The following FGF14 variants were observed in gnomAD, a reference collection of about 807,000 sequenced individuals.
The protein encoded by FGF14 is fibroblast growth factor homologous factor 4.
Under a neutral mutation model 25.5 loss-of-function variants are expected in FGF14, and 5 were observed. That is an observed-to-expected ratio of 0.20 (90% confidence interval 0.10 to 0.41). FGF14 has a LOEUF of 0.41. Ranked by LOEUF, FGF14 falls within the 10% of genes least tolerant of loss-of-function variation. The pLI, the probability that FGF14 is intolerant of heterozygous loss-of-function variation, is 1.00. For missense variants in FGF14, 222 were observed against 320.1 expected, an observed-to-expected ratio of 0.69 and a Z score of 2.34; for synonymous variants, 138 against 118.3, an observed-to-expected ratio of 1.17 and a Z score of -1.08.
At chr13:102,112,314 G>A (rs1403757069) in intron 1 of FGF14, among the ~76,000 whole-genome samples, 6 of 152,142 alleles carry the variant, frequency 3.9e-5, no homozygotes, top group African/African-American at 1.2e-4. Context: ...AATCTACGCA[G>A]GTGGGGCAGG....
At chr13:102,221,623 A>ACACAC (rs1555381644) in intron 1 of FGF14, among the ~76,000 whole-genome samples, 5 of 149,998 alleles carry the variant, frequency 3.3e-5, no homozygotes, top group African/African-American at 1.2e-4. Context: ...CAAACACACA[A>ACACAC]ACACACACAC....
At chr13:101,814,889 T>C (rs1170385411) in intron 3 of FGF14, among the ~76,000 whole-genome samples, 1 of 152,202 alleles carries the variant, frequency 6.6e-6, no homozygotes, top group Admixed American at 6.5e-5. Flanking sequence ...TCCACGATAG[T>C]TTTGAAAAGT....
intron 3 of FGF14, among the ~76,000 whole-genome samples, chr13:101,838,998 C>T (rs2043068944): frequency 6.6e-6 from 1 of 151,916 alleles, no homozygotes; most frequent in Non-Finnish European, 1.5e-5. Flanking sequence ...ATGCCCAGAC[C>T]CTTTCCCAAA....
intron 1 of FGF14, among the ~76,000 whole-genome samples, chr13:101,990,575 G>A (rs2038845412): frequency 6.6e-6 from 1 of 152,006 alleles, no homozygotes; most frequent in Non-Finnish European, 1.5e-5. Context: ...TGTCCTTGAG[G>A]GAGGACTTGA....
chr13:102,033,306 TAAC>T (rs1347721415), intron 1 of FGF14, among the ~76,000 whole-genome samples: 2 of 151,972 alleles, frequency 1.3e-5, no homozygotes, highest in Non-Finnish European at 2.9e-5. Context: ...TAAAATAAAA[TAAC>T]AAATAAAATA....
intron 3 of FGF14, among the ~76,000 whole-genome samples, chr13:101,728,489 G>T (rs1290780328): frequency 2.0e-5 from 3 of 151,676 alleles, no homozygotes; most frequent in South Asian, 4.2e-4. Flanking sequence ...CAGGCCATGC[G>T]CCCGAAAAAA....
At chr13:102,308,568 T>C (rs2055531719) in intron 1 of FGF14, among the ~76,000 whole-genome samples, 3 of 152,228 alleles carry the variant, frequency 2.0e-5, no homozygotes, top group Admixed American at 2.0e-4. Flanking sequence ...TGCAATTATG[T>C]CAGGAAAAAA....
chr13:101,908,172 A>C (rs930957197), intron 1 of FGF14, among the ~76,000 whole-genome samples: 17 of 152,174 alleles, frequency 1.1e-4, no homozygotes, highest in Non-Finnish European at 1.5e-5. Context: ...GGGCCCCCTG[A>C]GGTTATTGAC....
chr13:102,145,467 C>G (rs1201334540), intron 1 of FGF14, among the ~76,000 whole-genome samples: 1 of 152,190 alleles, frequency 6.6e-6, no homozygotes, highest in Admixed American at 6.5e-5. Flanking sequence ...AATTAACCAA[C>G]ACTAGAATTT....
intron 3 of FGF14, among the ~76,000 whole-genome samples, chr13:101,797,774 T>C (rs11842086): frequency 1.3e-4 from 19 of 147,424 alleles, no homozygotes; most frequent in South Asian, 8.5e-4. Flanking sequence ...TGTGTGTGTG[T>C]GTGTGTGTTC....
chr13:101,916,342 G>A (rs2033486389), intron 1 of FGF14, 111 bp downstream of exon 1: 17 of 1,349,720 alleles, frequency 1.3e-5, no homozygotes, highest in South Asian at 6.0e-5. Flanking sequence ...AAGGGAGGCC[G>A]GGGCCGGGGT....
At chr13:102,105,840 T>C (rs1002677630) in intron 1 of FGF14, among the ~76,000 whole-genome samples, 5 of 152,222 alleles carry the variant, frequency 3.3e-5, no homozygotes, top group East Asian at 3.8e-4. Context: ...TCAGGAGATA[T>C]TGGATTCAAT....
At chr13:102,262,819 GTGAT>G (rs769099881) in intron 1 of FGF14, among the ~76,000 whole-genome samples, 15 of 152,092 alleles carry the variant, frequency 9.9e-5, no homozygotes, top group African/African-American at 1.4e-4. Flanking sequence ...TCAGAAGTCA[GTGAT>G]TGATTGATTG....
intron 1 of FGF14, among the ~76,000 whole-genome samples, chr13:102,030,159 C>T (rs2041139856): frequency 6.6e-6 from 1 of 152,052 alleles, no homozygotes; most frequent in African/African-American, 2.4e-5. Context: ...CAATGACATA[C>T]TTTAGTAAAA....
intron 1 of FGF14, among the ~76,000 whole-genome samples, chr13:102,120,410 AGGAG>A (rs2045665709): frequency 2.6e-5 from 4 of 152,206 alleles, no homozygotes; most frequent in Non-Finnish European, 5.9e-5. Context: ...GTGTTAAATG[AGGAG>A]AGCTATCAGA....
intron 1 of FGF14, among the ~76,000 whole-genome samples, chr13:101,964,624 C>G (rs1170716250): frequency 4.6e-5 from 7 of 152,200 alleles, no homozygotes; most frequent in Non-Finnish European, 1.0e-4. Context: ...GAGACTCTTC[C>G]ATGTGCTGGT....
chr13:102,036,694 T>C (rs1394006468), intron 1 of FGF14, among the ~76,000 whole-genome samples: 1 of 151,062 alleles, frequency 6.6e-6, no homozygotes, highest in East Asian at 2.0e-4. Context: ...AGGAGGAGGA[T>C]GAGGAGGAGG....
At chr13:102,161,952 AG>A (rs2140605052) in intron 1 of FGF14, among the ~76,000 whole-genome samples, 1 of 152,234 alleles carries the variant, frequency 6.6e-6, no homozygotes, top group South Asian at 2.1e-4. Flanking sequence ...GGTAAGCAGT[AG>A]GGTTTCAAGA....
intron 3 of FGF14, among the ~76,000 whole-genome samples, chr13:101,862,509 T>G (rs961201591): frequency 4.6e-5 from 7 of 152,124 alleles, no homozygotes; most frequent in African/African-American, 1.2e-4. Flanking sequence ...AAATTGGATA[T>G]TCCATAATTT....
Sources: gnomAD v4.1 joint callset for allele counts (sites outside exome capture counted in the v4.1 genomes callset) on GRCh38, gnomAD v4.1.1 for gene constraint, MANE v1.5 for transcripts, NCBI Gene and HGNC (gene_info 2026-07-23, HGNC 2026-07-21) for gene names.